Variants in SLC2A9 observed in about 807,000 individuals in gnomAD.
SLC2A9 encodes solute carrier family 2, facilitated glucose transporter member 9.
In SLC2A9, 39 loss-of-function variants were observed where a neutral mutation model predicts 50.6. That is an observed-to-expected ratio of 0.77 (90% confidence interval 0.60 to 1.01). The LOEUF is 1.01. Among genes scored for constraint, SLC2A9 ranks in the 50% least tolerant of loss-of-function variants. SLC2A9 has a pLI of 0.00. For missense variants in SLC2A9, 686 were observed against 677.6 expected (o/e 1.01, Z -0.14); for synonymous variants, 324 against 276.9 (o/e 1.17, Z -1.69).
At chr4:9,970,591 C>A (rs1470034549) in intron 5 of SLC2A9, among the ~76,000 whole-genome samples, 3 of 151,500 alleles carry the variant, frequency 2.0e-5, no homozygotes, top group Admixed American at 2.0e-4. Flanking sequence ...CTGGGTTAAA[C>A]AAACAAAAAG....
intron 7 of SLC2A9, among the ~76,000 whole-genome samples, chr4:9,917,325 C>CTTTTTTTTTTTTTTTTTTTTTT (rs55927201): frequency 4.9e-5 from 4 of 81,796 alleles, no homozygotes; most frequent in Non-Finnish European, 6.4e-5. Context: ...TTCTTTTTTC[C>CTTTTTTTTTTTTTTTTTTTTTT]TTTTTTTTTT....
At chr4:9,955,104 C>T (rs1032239575) in intron 5 of SLC2A9, among the ~76,000 whole-genome samples, 3 of 152,156 alleles carry the variant, frequency 2.0e-5, no homozygotes, top group African/African-American at 7.2e-5. Flanking sequence ...TGCGGCCCCT[C>T]CTAAGTGCTG....
chr4:10,023,204 G>C (rs1763628414), upstream of SLC2A9, among the ~76,000 whole-genome samples: 1 of 152,198 alleles, frequency 6.6e-6, no homozygotes, highest in Non-Finnish European at 1.5e-5. Flanking sequence ...AGGAGCCAAG[G>C]CCTGCAGGCA....
chr4:9,779,543 T>C (rs1718042921), downstream of SLC2A9, among the ~76,000 whole-genome samples: 1 of 151,816 alleles, frequency 6.6e-6, no homozygotes. Context: ...GCCTCCCAAG[T>C]AGCTGGGACT....
At chr4:9,805,188 G>A (rs1721960602) in intron 3 of SLC2A9, among the ~76,000 whole-genome samples, 1 of 152,134 alleles carries the variant, frequency 6.6e-6, no homozygotes, top group Non-Finnish European at 1.5e-5. Context: ...TTACTTTCTT[G>A]CTCATACTGC....
chr4:9,888,422 C>T (rs564522245), intron 9 of SLC2A9, among the ~76,000 whole-genome samples: 32 of 151,886 alleles, frequency 2.1e-4, no homozygotes, highest in Non-Finnish European at 4.0e-4. Flanking sequence ...GTGTGAGATG[C>T]GTTAATTCAT....
chr4:9,831,083 G>A (rs1290946536), intron 11 of SLC2A9, among the ~76,000 whole-genome samples: 1 of 152,118 alleles, frequency 6.6e-6, no homozygotes, highest in Non-Finnish European at 1.5e-5. Context: ...TTTATTCTGA[G>A]GAAGAAGCCC....
chr4:9,994,327 C>A (rs974969720), intron 3 of SLC2A9, among the ~76,000 whole-genome samples: 3 of 152,130 alleles, frequency 2.0e-5, no homozygotes, highest in Admixed American at 1.3e-4. Context: ...TGGTAGCTTT[C>A]TTTTTCAATT....
intron 5 of SLC2A9, among the ~76,000 whole-genome samples, chr4:9,976,884 G>T (rs1456206818): frequency 3.9e-5 from 6 of 152,174 alleles, no homozygotes; most frequent in African/African-American, 1.2e-4. Flanking sequence ...CCCCTGCAGA[G>T]CTACTCCTTC....
At chr4:9,786,960 G>A (rs1345631003) in intron 3 of SLC2A9, among the ~76,000 whole-genome samples, 1 of 152,198 alleles carries the variant, frequency 6.6e-6, no homozygotes, top group South Asian at 2.1e-4. Flanking sequence ...GCACTCGAGA[G>A]GACTTGGCCA....
intron 10 of SLC2A9, among the ~76,000 whole-genome samples, chr4:9,848,724 G>A (rs1290262376): frequency 5.7e-5 from 8 of 140,342 alleles, no homozygotes; most frequent in Middle Eastern, 3.6e-3. Flanking sequence ...TTTGGAGACC[G>A]AGTCTCACTC....
chr4:9,966,649 C>T (rs192375149), intron 5 of SLC2A9, among the ~76,000 whole-genome samples: 4 of 151,970 alleles, frequency 2.6e-5, no homozygotes, highest in Admixed American at 6.6e-5. Context: ...AAGACTGTGT[C>T]GCTAAATAAA....
intron 6 of SLC2A9, among the ~76,000 whole-genome samples, chr4:9,941,253 C>T (rs1577997025): frequency 1.3e-5 from 2 of 152,272 alleles, no homozygotes; most frequent in South Asian, 2.1e-4. Flanking sequence ...TCTCTGATTC[C>T]GAAAGCCAAG....
chr4:9,866,861 C>T (rs1269591205), intron 10 of SLC2A9, among the ~76,000 whole-genome samples: 1 of 152,214 alleles, frequency 6.6e-6, no homozygotes, highest in African/African-American at 2.4e-5. Context: ...CTACTGGTTG[C>T]ATGGAGAATT....
At chr4:9,866,452 C>T (rs1368707018) in intron 10 of SLC2A9, among the ~76,000 whole-genome samples, 3 of 151,086 alleles carry the variant, frequency 2.0e-5, no homozygotes, top group Non-Finnish European at 4.4e-5. Flanking sequence ...AGCTCTGTGG[C>T]CATGGAGTTT....
chr4:9,882,634 G>T (rs6449089), intron 10 of SLC2A9, among the ~76,000 whole-genome samples: 2 of 150,392 alleles, frequency 1.3e-5, no homozygotes, highest in South Asian at 2.1e-4. Flanking sequence ...GCGTGAACCC[G>T]GGAGGCGGAG....
chr4:10,035,370 G>A (rs1764066405), intron 1 of SLC2A9: 1 of 152,320 alleles, frequency 6.6e-6, no homozygotes, highest in Admixed American at 6.5e-5. Context: ...GCCTCCTGGG[G>A]GACTAAGATG....
At chr4:9,832,628 G>T (rs1040004269) in intron 11 of SLC2A9, among the ~76,000 whole-genome samples, 6 of 152,186 alleles carry the variant, frequency 3.9e-5, no homozygotes, top group African/African-American at 1.2e-4. Context: ...ATAAGAAAAG[G>T]CTCATAAATG....
chr4:9,771,421 C>T, intron 1 of SLC2A9: 1 of 398,634 alleles, frequency 2.5e-6, no homozygotes, highest in Middle Eastern at 6.3e-4. Flanking sequence ...GTGCTCCTGA[C>T]AAGGAGATCT....
Sources: gnomAD v4.1 joint callset for allele counts (sites outside exome capture counted in the v4.1 genomes callset) on GRCh38, gnomAD v4.1.1 for gene constraint, MANE v1.5 for transcripts, NCBI Gene and HGNC (gene_info 2026-07-23, HGNC 2026-07-21) for gene names.